The following RBPJ variants were observed in gnomAD, a reference collection of about 807,000 sequenced individuals.
The protein encoded by RBPJ is recombining binding protein suppressor of hairless.
RBPJ carries 9 observed loss-of-function variants against 67.8 expected under a neutral mutation model. The observed-to-expected ratio is 0.13, with a 90% CI of 0.08 to 0.23. The LOEUF (loss-of-function observed/expected upper bound fraction) is 0.23. Among genes scored for constraint, RBPJ ranks in the 10% least tolerant of loss-of-function variants. The pLI is 1.00. For synonymous variants in RBPJ, 198 were observed against 203.3 expected (o/e 0.97, Z 0.22); for missense variants, 305 against 595.6 (o/e 0.51, Z 5.08).
rs1217046484 is a variant in RBPJ, at chr4:26,255,663, G to A, written c.-167+92049G>A. The stretch of plus-strand genomic sequence containing the variant: ...TAAAAATACAAAAAATTAGCCAGGC[G>A]TGGTGGCAGGTGCCTGTAGTCCCAG... On this transcript the variant is annotated intron_variant, in intron 1 of 4. Coordinates refer to the RBPJ transcript ENST00000512351. Among the ~76,000 whole-genome samples, 9 of 151,448 alleles carry A rather than the reference G, an allele frequency of 5.9e-5. No homozygotes were observed. The East Asian group carries it at 7.8e-4, about 13-fold the overall frequency.
chr4:26,136,170 C>T, the RBPJ span, among the ~76,000 whole-genome samples: 1 of 152,208 alleles, frequency 6.6e-6, no homozygotes, highest in African/African-American at 2.4e-5. Context: ...CCACCTGGCC[C>T]ACCCTTGACA....
chr4:26,350,829 G>A (rs1201957604), intron 1 of RBPJ, among the ~76,000 whole-genome samples: 1 of 152,120 alleles, frequency 6.6e-6, no homozygotes, highest in African/African-American at 2.4e-5. Flanking sequence ...ACAAGTTTTA[G>A]GTATGAGGTT....
chr4:26,270,419 AAGAAAGAAAGAAAGAAAG>A (rs1720866946), intron 1 of RBPJ, among the ~76,000 whole-genome samples: 4 of 59,604 alleles, frequency 6.7e-5, no homozygotes, highest in African/African-American at 1.8e-4. Flanking sequence ...GAAAGAAAGA[AAGAAAGAAAGAAAGAAAG>A]AAGAAAGAAA....
chr4:26,125,892 A>G, the RBPJ span, among the ~76,000 whole-genome samples: 2 of 152,248 alleles, frequency 1.3e-5, no homozygotes, highest in East Asian at 1.9e-4. Context: ...CATAAGAACA[A>G]TGCAGCTGGA....
rs1173705388 is a variant in RBPJ at position 26,424,842 on chromosome 4, T to C, written c.747+99T>C. ...CAAATGGAAAAACACACCTCAGTTT[T>C]ATGCTTTTTAATTTTAAAAGGTATG... is the stretch of plus-strand genomic sequence containing the variant. On this transcript the variant is annotated intron_variant, in intron 7 of 10. Coordinates refer to ENST00000355476, the MANE Select transcript of RBPJ (RefSeq NM_015874.6). The surrounding 1 kb of genome is among the most constrained non-coding windows in gnomAD (Gnocchi z 5.3). 6 of 688,064 alleles carry C rather than the reference T, an allele frequency of 8.7e-6. 1 individual carries two copies. The Middle Eastern group carries it at 1.2e-3, about 140-fold the overall frequency. The allele number at this position is 688,064 out of a possible 1,614,324, so 42.6% of individuals were successfully genotyped here.
At chr4:26,231,710 C>G (rs1192894042) in intron 1 of RBPJ, among the ~76,000 whole-genome samples, 3 of 151,012 alleles carry the variant, frequency 2.0e-5, no homozygotes, top group Non-Finnish European at 4.4e-5. Context: ...CGGCGCCCAG[C>G]CTATTTTTTT....
intron 1 of RBPJ, among the ~76,000 whole-genome samples, chr4:26,191,200 T>G (rs1485652726): frequency 7.0e-4 from 22 of 31,340 alleles, no homozygotes; most frequent in African/African-American, 2.1e-3. Flanking sequence ...TATATATATA[T>G]ATATATATAT....
At chr4:26,375,256 T>G (rs1007412317) in intron 1 of RBPJ, among the ~76,000 whole-genome samples, 1 of 124,606 alleles carries the variant, frequency 8.0e-6, no homozygotes, top group African/African-American at 3.2e-5. Flanking sequence ...GTCACTGCCC[T>G]CCCGCCTGGG....
chr4:26,407,787 A>T (rs1053331220), intron 3 of RBPJ, among the ~76,000 whole-genome samples: 1 of 150,870 alleles, frequency 6.6e-6, no homozygotes, highest in East Asian at 2.0e-4. Flanking sequence ...TGTAATATGT[A>T]TGTGATTAAA....
At chr4:26,214,218 C>A (rs1044753939) in intron 1 of RBPJ, among the ~76,000 whole-genome samples, 7 of 124,164 alleles carry the variant, frequency 5.6e-5, no homozygotes, top group Admixed American at 9.0e-5. Context: ...AGAAAGAAAG[C>A]AAAGGAAGGA....
intron 1 of RBPJ, among the ~76,000 whole-genome samples, chr4:26,341,438 AC>A (rs1211297803): frequency 1.3e-5 from 2 of 152,116 alleles, no homozygotes; most frequent in African/African-American, 2.4e-5. Context: ...ACATAGTGAA[AC>A]CCTGTCTCTA....
the RBPJ span, among the ~76,000 whole-genome samples, chr4:26,116,759 C>A: frequency 1.1e-4 from 17 of 152,376 alleles, no homozygotes; most frequent in African/African-American, 4.1e-4. Context: ...GCTGCTGCCA[C>A]CCATGCCACA....
chr4:26,349,278 C>T (rs1319119459), intron 1 of RBPJ, among the ~76,000 whole-genome samples: 1 of 152,048 alleles, frequency 6.6e-6, no homozygotes. Context: ...CGCTATGTTG[C>T]CCAGGCTGGC....
intron 1 of RBPJ, among the ~76,000 whole-genome samples, chr4:26,194,292 C>G (rs1008248961): frequency 6.6e-5 from 10 of 152,112 alleles, no homozygotes; most frequent in African/African-American, 2.4e-4. Flanking sequence ...TACATTTGAG[C>G]CCCGGGTAAG....
At chr4:26,241,089 A>G (rs1315439352) in intron 1 of RBPJ, among the ~76,000 whole-genome samples, 1 of 151,924 alleles carries the variant, frequency 6.6e-6, no homozygotes, top group African/African-American at 2.4e-5. Flanking sequence ...CCCAGCTACC[A>G]GGGAGGCTGA....
At chr4:26,410,081 C>T in intron 3 of RBPJ, 1 of 454,006 alleles carries the variant, frequency 2.2e-6, no homozygotes, top group Non-Finnish European at 4.4e-6. Flanking sequence ...ATCTAGCCCT[C>T]TGGATGTCTG....
chr4:26,215,707 G>A lies in RBPJ; in HGVS notation c.-167+52093G>A, dbSNP rs1372559158. ...TGGCAGATCACACACTCTCACGCTA[G>A]GGACCCTCCTCAAAGCAGAGAGCGA... On this transcript the variant is annotated intron_variant, in intron 1 of 4. Coordinates refer to the RBPJ transcript ENST00000512351. 2.6e-5 allele frequency among the ~76,000 whole-genome samples: 4 copies of A among 152,118 alleles called. No homozygotes were observed. The East Asian group carries it at 7.7e-4, about 29-fold the overall frequency.
intron 5 of RBPJ, 47 bp downstream of exon 5, chr4:26,420,772 TAA>T (rs1735050960): frequency 6.9e-7 from 1 of 1,448,864 alleles, no homozygotes; most frequent in Non-Finnish European, 9.3e-7. Context: ...CATGAATTAA[TAA>T]GACAGACTCT....
At position 26,406,615 on chromosome 4, in the gene RBPJ, G is replaced by A. The variant is rs564554668; in HGVS notation, c.155+345G>A. Among the ~76,000 whole-genome samples, 12 of 152,314 alleles carry A rather than the reference G, an allele frequency of 7.9e-5. No individual in the cohort carries two copies. In the South Asian group the frequency reaches 2.5e-3, roughly 32 times the overall value. ...GACATATTTGTCCCTTACGCATTTG[G>A]GTCATCCTTACTGCTGTGTCCTGCA... On this transcript the variant is annotated intron_variant, in intron 3 of 10. Coordinates refer to ENST00000355476, the MANE Select transcript of RBPJ (RefSeq NM_015874.6).
Sources: gnomAD v4.1 joint callset for allele counts (sites outside exome capture counted in the v4.1 genomes callset) on GRCh38, gnomAD v4.1.1 for gene constraint, Gnocchi (gnomAD v3.1) non-coding constraint, MANE v1.5 for transcripts, NCBI Gene and HGNC (gene_info 2026-07-23, HGNC 2026-07-21) for gene names.